AKR1E2: variants seen among roughly 807,000 people sequenced by gnomAD.
AKR1E2 encodes the protein 1,5-anhydro-D-fructose reductase.
Under a neutral mutation model 41.9 loss-of-function variants are expected in AKR1E2, and 43 were observed. The ratio of observed to expected loss-of-function variants is 1.03; its 90% confidence interval spans 0.80 to 1.32. The LOEUF is 1.32. Among genes scored for constraint, AKR1E2 ranks in the 40% most tolerant of loss-of-function variants. The pLI is 0.00. For missense variants in AKR1E2, 423 were observed against 396.5 expected (o/e 1.07, Z -0.57); for synonymous variants, 121 against 138.9 (o/e 0.87, Z 0.91).
chr10:4,827,075 G>GGAA (rs1832585458), intron 1 of AKR1E2, among the ~76,000 whole-genome samples: 2 of 123,144 alleles, frequency 1.6e-5, no homozygotes, highest in Non-Finnish European at 3.3e-5. Flanking sequence ...GACCTTGCTG[G>GGAA]AAAAAAAAAA....
At chr10:4,854,946 T>C in the AKR1E2 span, among the ~76,000 whole-genome samples, 2 of 152,186 alleles carry the variant, frequency 1.3e-5, no homozygotes, top group Non-Finnish European at 2.9e-5. Flanking sequence ...ATAATCTGCC[T>C]TGCCCTCTTT....
intron 1 of AKR1E2, among the ~76,000 whole-genome samples, chr10:4,829,510 G>A (rs542437981): frequency 1.8e-4 from 27 of 152,230 alleles, no homozygotes; most frequent in South Asian, 1.0e-3. Context: ...AGATAAGTCC[G>A]TCTTTTTCTG....
chr10:4,847,130 A>G lies in AKR1E2; in HGVS notation c.838-18A>G, dbSNP rs778256002. ...GAATTAAACTAAGTTTTCTACAAAC[A>G]TTGTGTTTTGGTTCCAGGTGTTTGA... On this transcript the variant is annotated intron_variant, in intron 8 of 9. Transcript: ENST00000298375. 30 of 1,613,700 alleles carry G rather than the reference A, an allele frequency of 1.9e-5. No individual in the cohort carries two copies. The highest frequency in any genetic ancestry group is 2.1e-5 in the Non-Finnish European group (25 of 1,179,882).
intron 4 of AKR1E2, among the ~76,000 whole-genome samples, chr10:4,836,066 ATATT>A (rs1264544823): frequency 6.6e-6 from 1 of 152,058 alleles, no homozygotes; most frequent in African/African-American, 2.4e-5. Flanking sequence ...TTTTTCTCAA[ATATT>A]TATTTATTTT....
chr10:4,826,841 C>G (rs984453710), intron 1 of AKR1E2, among the ~76,000 whole-genome samples: 1 of 151,924 alleles, frequency 6.6e-6, no homozygotes, highest in South Asian at 2.1e-4. Context: ...TTTGGGAGGC[C>G]GAGGCAGTAG....
intron 8 of AKR1E2, among the ~76,000 whole-genome samples, chr10:4,844,000 G>C (rs1435741348): frequency 6.6e-6 from 1 of 152,222 alleles, no homozygotes; most frequent in African/African-American, 2.4e-5. Flanking sequence ...GTAGTGGTTA[G>C]AATTGAGCAC....
At chr10:4,851,373 G>T (rs906937677), downstream of AKR1E2, among the ~76,000 whole-genome samples, 1 of 152,198 alleles carries the variant, frequency 6.6e-6, no homozygotes, top group African/African-American at 2.4e-5. Flanking sequence ...GGCAGAGAGG[G>T]CTAATGGGCG....
At chr10:4,845,644 C>G (rs1834278553) in intron 8 of AKR1E2, 1 of 445,614 alleles carries the variant, frequency 2.2e-6, no homozygotes, top group South Asian at 1.7e-5. Context: ...CAGCAGGTGG[C>G]AGGGGGCCAC....
chr10:4,850,597 C>T (rs748677216), downstream of AKR1E2, among the ~76,000 whole-genome samples: 2 of 152,180 alleles, frequency 1.3e-5, no homozygotes, highest in Non-Finnish European at 2.9e-5. Context: ...CCCTCGCCAG[C>T]ATTAGTTTTG....
chr10:4,827,951 G>A (rs1035460299), intron 1 of AKR1E2, among the ~76,000 whole-genome samples: 9 of 151,844 alleles, frequency 5.9e-5, no homozygotes, highest in African/African-American at 2.2e-4. Context: ...GTGCTTAACA[G>A]GTCAAAATAT....
At chr10:4,856,447 T>C in the AKR1E2 span, among the ~76,000 whole-genome samples, 3 of 152,224 alleles carry the variant, frequency 2.0e-5, no homozygotes, top group African/African-American at 7.2e-5. Flanking sequence ...ATAAAAGCTT[T>C]ATAAGAATCT....
intron 1 of AKR1E2, among the ~76,000 whole-genome samples, chr10:4,827,089 A>G (rs1310329203): frequency 6.0e-5 from 8 of 134,260 alleles, no homozygotes; most frequent in African/African-American, 1.1e-4. Context: ...AAAAAAAAAA[A>G]AAAAGAAAAA....
chr10:4,831,605 G>T (rs557750484), intron 2 of AKR1E2, among the ~76,000 whole-genome samples: 158 of 152,282 alleles, frequency 1.0e-3, no homozygotes, highest in African/African-American at 3.6e-3. Flanking sequence ...CTCCCACTGG[G>T]TCCCTCCCAT....
intron 1 of AKR1E2, among the ~76,000 whole-genome samples, chr10:4,827,149 A>G (rs1832602280): frequency 6.6e-6 from 1 of 151,946 alleles, no homozygotes; most frequent in African/African-American, 2.4e-5. Flanking sequence ...TTGGGATCTC[A>G]TGTTGTTCCC....
At chr10:4,868,167 G>T in the AKR1E2 span, among the ~76,000 whole-genome samples, 1 of 152,170 alleles carries the variant, frequency 6.6e-6, no homozygotes, top group South Asian at 2.1e-4. Context: ...GTCTGTGGTG[G>T]CAATGCCAGC....
chr10:4,844,204 A>C (rs929206253), intron 8 of AKR1E2, among the ~76,000 whole-genome samples: 2 of 151,778 alleles, frequency 1.3e-5, no homozygotes, highest in African/African-American at 4.8e-5. Context: ...TCATGGTCTC[A>C]CTGGCTTAGG....
chr10:4,832,349 T>C (rs753118900), intron 2 of AKR1E2, among the ~76,000 whole-genome samples: 6 of 152,220 alleles, frequency 3.9e-5, no homozygotes, highest in Non-Finnish European at 7.3e-5. Flanking sequence ...TTAATGTTCT[T>C]CAGGCACCAT....
chr10:4,840,212 G>C (rs765746750), intron 6 of AKR1E2, among the ~76,000 whole-genome samples: 5 of 152,122 alleles, frequency 3.3e-5, no homozygotes, highest in Non-Finnish European at 7.4e-5. Context: ...CCCTCCTGCA[G>C]CTGTACTGTG....
chr10:4,837,840 C>A (rs1187782851), intron 5 of AKR1E2, among the ~76,000 whole-genome samples: 3 of 152,182 alleles, frequency 2.0e-5, no homozygotes, highest in Admixed American at 6.5e-5. Context: ...GGCAGGTCAC[C>A]AGGTGTACTC....
Sources: allele counts gnomAD v4.1 joint callset (sites outside exome capture counted in the v4.1 genomes callset), GRCh38; gene constraint gnomAD v4.1.1; transcripts MANE v1.5; gene names NCBI Gene and HGNC (gene_info 2026-07-23, HGNC 2026-07-21).